Variants in PAPPA2 observed in about 807,000 individuals in gnomAD.
PAPPA2 encodes the protein pappalysin-2.
A neutral mutation model predicts 176.4 loss-of-function variants in PAPPA2; 86 were observed. The observed-to-expected ratio is 0.49, with a 90% confidence interval of 0.41 to 0.58. PAPPA2 has a LOEUF of 0.58. Among genes scored for constraint, PAPPA2 ranks in the 20% least tolerant of loss-of-function variants. The pLI is 0.00. For synonymous variants in PAPPA2, 809 were observed against 852.2 expected (o/e 0.95, Z 0.88); for missense variants, 2,073 against 2,256.9 (o/e 0.92, Z 1.65).
At chr1:176,703,106 A>G (rs1368016924) in intron 9 of PAPPA2, among the ~76,000 whole-genome samples, 2 of 152,136 alleles carry the variant, frequency 1.3e-5, no homozygotes, top group Non-Finnish European at 2.9e-5. Flanking sequence ...GAAGAAGGTT[A>G]CTCATCAAAT....
intron 1 of PAPPA2, among the ~76,000 whole-genome samples, chr1:176,468,179 C>T (rs1463874694): frequency 6.6e-6 from 1 of 152,186 alleles, no homozygotes; most frequent in Non-Finnish European, 1.5e-5. Context: ...TGATGTTTAA[C>T]ACGGGCCTCT....
At position 176,771,195 on chromosome 1, in the gene PAPPA2, C is replaced by G. The variant is rs1317344063; in HGVS notation, c.4715+15C>G. On this transcript the variant is annotated intron_variant, in intron 17 of 22. Transcript: ENST00000367662. ...AAAGTCAGGAAGTAAGTTGAATGTT[C>G]CTGGTCTTTGGAGTTCTACCTACCT... is the stretch of plus-strand genomic sequence containing the variant. 1.2e-6 allele frequency: 2 copies of G among 1,611,486 alleles called. No individual in the cohort carries two copies. Among genetic ancestry groups the G allele is most frequent in the South Asian group, 1.1e-5 (1 of 90,992 alleles).
rs1396104363 is a variant in PAPPA2 at position 176,641,548 on chromosome 1, T to C, written c.1992-29422T>C. 2.0e-5 allele frequency among the ~76,000 whole-genome samples: 3 copies of C among 151,896 alleles called. No homozygotes were observed. In the East Asian group the frequency reaches 5.8e-4, roughly 30 times the overall value. Reference sequence around the variant, plus strand: ...GGCTCTGTTCTGTTCCATTGATCTATATCTCTGTTTTGGTACCAGTACCAT... The same window carrying C: ...GGCTCTGTTCTGTTCCATTGATCTACATCTCTGTTTTGGTACCAGTACCAT... On this transcript the variant is annotated intron_variant, in intron 3 of 22. Coordinates refer to ENST00000367662, the MANE Select transcript of PAPPA2 (RefSeq NM_020318.3).
At chr1:176,536,307 G>A (rs1321912313) in intron 1 of PAPPA2, among the ~76,000 whole-genome samples, 1 of 152,192 alleles carries the variant, frequency 6.6e-6, no homozygotes, top group African/African-American at 2.4e-5. Context: ...CCTCTTAAAA[G>A]TAATGACTGT....
At chr1:176,641,679 T>A (rs1203144974) in intron 3 of PAPPA2, among the ~76,000 whole-genome samples, 1 of 151,996 alleles carries the variant, frequency 6.6e-6, no homozygotes, top group African/African-American at 2.4e-5. Context: ...TCAGGATTTT[T>A]AATAATTTGC....
intron 14 of PAPPA2, among the ~76,000 whole-genome samples, chr1:176,757,083 A>T (rs916866694): frequency 3.9e-5 from 6 of 152,182 alleles, no homozygotes; most frequent in African/African-American, 1.4e-4. Context: ...TATATGTGCC[A>T]CATTTTCTTA....
In PAPPA2 at chr1:176,793,579, G is replaced by A. The variant is rs751892528; in HGVS notation, c.5040G>A (p.Leu1680=). The A allele has an allele frequency of 3.7e-6, 6 of 1,611,924 alleles. No homozygotes were observed. Among genetic ancestry groups the A allele is most frequent in the Non-Finnish European group, 4.2e-6 (5 of 1,178,402 alleles). The change falls in exon 20 of 23, where the codon TTG becomes TTA. Residue 1680 remains leucine, a synonymous_variant. Transcript: ENST00000367662. ...TTTCAGGTGCAGTGTGTTCCCCATTGTGTGTAATCCCCCCCAGTGACCCCG... is the reference window on the plus strand; with the variant it reads ...TTTCAGGTGCAGTGTGTTCCCCATTATGTGTAATCCCCCCCAGTGACCCCG... ...GYGIGAVCSP[L]CVIPPSDPVM... is the part of the protein sequence containing the mutation.
intron 12 of PAPPA2, among the ~76,000 whole-genome samples, chr1:176,739,016 T>G (rs953320431): frequency 6.6e-6 from 1 of 152,098 alleles, no homozygotes; most frequent in Non-Finnish European, 1.5e-5. Flanking sequence ...TATACATGCT[T>G]GATGCACCAG....
intron 2 of PAPPA2, among the ~76,000 whole-genome samples, chr1:176,561,434 T>G (rs1651665941): frequency 6.6e-6 from 1 of 152,180 alleles, no homozygotes; most frequent in Non-Finnish European, 1.5e-5. Context: ...TCTAACCCAC[T>G]AACCTATCAT....
chr1:176,639,076 G>A (rs1656908622), intron 3 of PAPPA2, among the ~76,000 whole-genome samples: 1 of 151,722 alleles, frequency 6.6e-6, no homozygotes, highest in Non-Finnish European at 1.5e-5. Context: ...AATAAAAGAT[G>A]AGGCTAAACA....
At chr1:176,599,762 T>C (rs1056813259) in intron 3 of PAPPA2, among the ~76,000 whole-genome samples, 2 of 151,952 alleles carry the variant, frequency 1.3e-5, no homozygotes, top group African/African-American at 4.8e-5. Context: ...GACTATCATT[T>C]ATGCTGGTGA....
intron 14 of PAPPA2, among the ~76,000 whole-genome samples, chr1:176,756,181 C>A (rs985222084): frequency 3.3e-5 from 5 of 152,186 alleles, no homozygotes; most frequent in African/African-American, 1.2e-4. Flanking sequence ...TCTCGAACTC[C>A]TGACCTCAAG....
At chr1:176,638,595 C>T (rs1382019696) in intron 3 of PAPPA2, among the ~76,000 whole-genome samples, 1 of 151,988 alleles carries the variant, frequency 6.6e-6, no homozygotes, top group Non-Finnish European at 1.5e-5. Flanking sequence ...AGACTGAATG[C>T]CAGTGACTTG....
Position 176,595,363 on chromosome 1 carries a change from G to A in PAPPA2, c.1759G>A (p.Glu587Lys), listed in dbSNP as rs972549290. Residue 587 changes from glutamate to lysine, a missense_variant, in exon 3 of 23, where the codon GAG becomes AAG. Around this residue, in one of 4 missense-constraint regions of PAPPA2, gnomAD observed 1,196 missense variants for 1,330.4 expected, o/e 0.90. Transcript: ENST00000367662. The stretch of plus-strand genomic sequence containing the variant: ...ACACCGGGTTGTGCTTGTGAACTGT[G>A]AGCCCAGCAAGATTGGCAATGACCA... ...LRHRVVLVNC[E>K]PSKIGNDHCD... 1 of 1,614,046 alleles carries A rather than the reference G, an allele frequency of 6.2e-7. No homozygotes were observed. Among genetic ancestry groups the A allele is most frequent in the Admixed American group, 1.7e-5 (1 of 60,004 alleles).
At chr1:176,757,878 G>C (rs962735858) in intron 14 of PAPPA2, among the ~76,000 whole-genome samples, 11 of 152,130 alleles carry the variant, frequency 7.2e-5, no homozygotes, top group African/African-American at 2.4e-4. Context: ...GACAACCATG[G>C]TAAAACCCAT....
intron 21 of PAPPA2, among the ~76,000 whole-genome samples, chr1:176,821,209 T>C (rs1483829062): frequency 2.6e-5 from 4 of 151,908 alleles, no homozygotes; most frequent in African/African-American, 9.7e-5. Context: ...CCCATCACAG[T>C]GTACACAATA....
chr1:176,713,157 T>G (rs1019810842), intron 12 of PAPPA2, among the ~76,000 whole-genome samples: 1 of 151,976 alleles, frequency 6.6e-6, no homozygotes, highest in South Asian at 2.1e-4. Flanking sequence ...GAATTCAAGT[T>G]CTTTTTTTTT....
At chr1:176,581,575 C>G (rs1410800186) in intron 2 of PAPPA2, among the ~76,000 whole-genome samples, 1 of 152,078 alleles carries the variant, frequency 6.6e-6, no homozygotes, top group Non-Finnish European at 1.5e-5. Flanking sequence ...TCACAATATT[C>G]TTTAAATCCA....
At chr1:176,599,451 A>G (rs1460911528) in intron 3 of PAPPA2, among the ~76,000 whole-genome samples, 1 of 147,204 alleles carries the variant, frequency 6.8e-6, no homozygotes, top group African/African-American at 2.5e-5. Flanking sequence ...GGATGAATCT[A>G]CTGAACTTAC....
Sources: allele counts gnomAD v4.1 joint callset (sites outside exome capture counted in the v4.1 genomes callset), GRCh38; gene constraint gnomAD v4.1.1; regional missense constraint gnomAD v4.1.1; transcripts MANE v1.5; gene names NCBI Gene and HGNC (gene_info 2026-07-23, HGNC 2026-07-21).